MARCHF1: variants seen among roughly 807,000 people sequenced by gnomAD.
MARCHF1 encodes E3 ubiquitin-protein ligase MARCHF1.
Under a neutral mutation model 54.2 loss-of-function variants are expected in MARCHF1, and 40 were observed. The observed-to-expected ratio is 0.74, with a 90% CI of 0.57 to 0.96. MARCHF1 has a LOEUF of 0.96. MARCHF1 is among the 40% of genes least tolerant of loss of function. MARCHF1 has a pLI of 0.00. For missense variants in MARCHF1, 586 were observed against 656.5 expected, an observed-to-expected ratio of 0.89 and a Z score of 1.17; for synonymous variants, 236 against 236.3, an observed-to-expected ratio of 1.00 and a Z score of 0.01.
At chr4:163,868,199 A>C (rs1417527726) in intron 3 of MARCHF1, among the ~76,000 whole-genome samples, 1 of 151,974 alleles carries the variant, frequency 6.6e-6, no homozygotes, top group African/African-American at 2.4e-5. Flanking sequence ...TCAAATATCA[A>C]ATATCAATAT....
chr4:164,103,999 A>C lies in MARCHF1; in HGVS notation c.-248+7589T>G, dbSNP rs1025019256. Among the ~76,000 whole-genome samples the C allele has an allele frequency of 6.7e-4, 102 of 151,414 alleles. 1 individual carries two copies. The South Asian group carries it at 9.5e-3, about 14-fold the overall frequency. On this transcript the variant is annotated intron_variant, in intron 2 of 9. Transcript: ENST00000514618. ...ATACTACAAACACCTCTACGCAAAT[A>C]AACTAGAAAATCTAGAAGAAATGGA...
At chr4:164,151,953 C>G (rs1388887798) in intron 1 of MARCHF1, among the ~76,000 whole-genome samples, 1 of 152,030 alleles carries the variant, frequency 6.6e-6, no homozygotes, top group African/African-American at 2.4e-5. Flanking sequence ...GGTTGGGCAG[C>G]TGTTGTTAGC....
chr4:163,578,025 G>T (rs1368842419), intron 8 of MARCHF1, among the ~76,000 whole-genome samples: 1 of 151,280 alleles, frequency 6.6e-6, no homozygotes, highest in South Asian at 2.1e-4. Context: ...AGTTGTAAGT[G>T]TGTGTGTGTG....
chr4:164,241,106 C>A (rs1398113729), intron 1 of MARCHF1, among the ~76,000 whole-genome samples: 1 of 152,076 alleles, frequency 6.6e-6, no homozygotes, highest in Non-Finnish European at 1.5e-5. Flanking sequence ...TCTGACATCA[C>A]TGAGACCCAT....
chr4:164,165,288 G>T (rs374415988), intron 1 of MARCHF1, among the ~76,000 whole-genome samples: 1 of 152,034 alleles, frequency 6.6e-6, no homozygotes, highest in East Asian at 1.9e-4. Context: ...TTTGAATGAG[G>T]TCATGAGGGT....
chr4:163,985,416 G>A (rs1340493055), intron 3 of MARCHF1, among the ~76,000 whole-genome samples: 1 of 151,962 alleles, frequency 6.6e-6, no homozygotes, highest in East Asian at 1.9e-4. Context: ...AAACAGAGAT[G>A]ATTATAATAT....
At chr4:163,775,765 T>A (rs987941420) in intron 4 of MARCHF1, among the ~76,000 whole-genome samples, 2 of 151,984 alleles carry the variant, frequency 1.3e-5, no homozygotes, top group African/African-American at 2.4e-5. Flanking sequence ...AGCAAATTGA[T>A]CTGAGTTGAG....
At chr4:164,381,516 T>G (rs1731370291) in intron 1 of MARCHF1, among the ~76,000 whole-genome samples, 1 of 152,182 alleles carries the variant, frequency 6.6e-6, no homozygotes, top group Non-Finnish European at 1.5e-5. Context: ...TCAATATACA[T>G]TTTTATTTAC....
At chr4:163,559,306 C>T (rs946044346) in intron 8 of MARCHF1, among the ~76,000 whole-genome samples, 1 of 152,086 alleles carries the variant, frequency 6.6e-6, no homozygotes, top group Non-Finnish European at 1.5e-5. Context: ...ATATTCAAAC[C>T]ATTTTAAAAT....
chr4:163,803,969 T>C (rs1748155621), intron 4 of MARCHF1, among the ~76,000 whole-genome samples: 1 of 152,188 alleles, frequency 6.6e-6, no homozygotes, highest in Non-Finnish European at 1.5e-5. Context: ...ATGGCAGGCA[T>C]GTTTTTATTT....
chr4:164,177,169 G>C (rs1048035485), intron 1 of MARCHF1, among the ~76,000 whole-genome samples: 1 of 151,330 alleles, frequency 6.6e-6, no homozygotes, highest in African/African-American at 2.4e-5. Flanking sequence ...GTGTTCTTTT[G>C]TGCTGTACCT....
intron 3 of MARCHF1, among the ~76,000 whole-genome samples, chr4:163,929,991 T>TATA (rs1751633073): frequency 3.1e-5 from 4 of 129,754 alleles, no homozygotes; most frequent in African/African-American, 1.1e-4. Flanking sequence ...AATATATATA[T>TATA]AATATATTAT....
rs139306062 is a variant in MARCHF1 at position 164,341,147 on chromosome 4, G to A, written c.-323+42723C>T. 3.3e-3 allele frequency among the ~76,000 whole-genome samples: 500 copies of A among 152,160 alleles called. 4 individuals carry two copies. The highest frequency in any genetic ancestry group is 0.012 in the African/African-American group (479 of 41,512). On this transcript the variant is annotated intron_variant, in intron 1 of 9. Coordinates refer to ENST00000514618, the MANE Select transcript of MARCHF1 (RefSeq NM_001394959.1). ...AAATCATTTGATCATCTCAAAAGAT[G>A]CAGAGAAAGTATTTGACAAAATTCA...
chr4:163,916,610 G>A (rs1300114445), intron 3 of MARCHF1, among the ~76,000 whole-genome samples: 1 of 152,074 alleles, frequency 6.6e-6, no homozygotes, highest in African/African-American at 2.4e-5. Context: ...CACCAACTGG[G>A]CTACTTCCCT....
At chr4:163,638,958 A>C (rs1742452689) in intron 5 of MARCHF1, among the ~76,000 whole-genome samples, 1 of 152,108 alleles carries the variant, frequency 6.6e-6, no homozygotes, top group Non-Finnish European at 1.5e-5. Context: ...TAAGTCTATG[A>C]TTTTACTTAC....
chr4:163,532,069 A>G (rs920124401), intron 9 of MARCHF1, among the ~76,000 whole-genome samples: 2 of 151,890 alleles, frequency 1.3e-5, no homozygotes, highest in African/African-American at 2.4e-5. Flanking sequence ...AATTCCAGCA[A>G]GTTATTTTAT....
At chr4:163,997,697 G>A (rs562799901) in intron 2 of MARCHF1, among the ~76,000 whole-genome samples, 10 of 151,864 alleles carry the variant, frequency 6.6e-5, no homozygotes, top group African/African-American at 2.4e-4. Context: ...TTTTGCTAAA[G>A]AGCAGTCCAT....
In MARCHF1 at chr4:163,600,470, C is replaced by T. The variant is rs540595055; in HGVS notation, c.1010+11801G>A. On this transcript the variant is annotated intron_variant, in intron 7 of 9. Coordinates refer to ENST00000514618, the MANE Select transcript of MARCHF1 (RefSeq NM_001394959.1). Reference sequence around the variant, plus strand: ...GGAACCACTTGGTGAGACAATGTCTCAGGGCTTTTCTAGCTCTAACTGGTG... The same window carrying T: ...GGAACCACTTGGTGAGACAATGTCTTAGGGCTTTTCTAGCTCTAACTGGTG... Among the ~76,000 whole-genome samples the T allele has an allele frequency of 1.6e-3, 242 of 152,230 alleles. 1 individual carries two copies. Among genetic ancestry groups the T allele is most frequent in the Non-Finnish European group, 2.6e-3 (179 of 68,010 alleles).
chr4:164,033,864 G>A (rs1219543794), intron 2 of MARCHF1, among the ~76,000 whole-genome samples: 2 of 152,098 alleles, frequency 1.3e-5, no homozygotes, highest in Non-Finnish European at 2.9e-5. Flanking sequence ...AAGACAGTGT[G>A]GTGATTTCTC....
Sources: allele counts gnomAD v4.1 joint callset (sites outside exome capture counted in the v4.1 genomes callset), GRCh38; gene constraint gnomAD v4.1.1; transcripts MANE v1.5; gene names NCBI Gene and HGNC (gene_info 2026-07-23, HGNC 2026-07-21).